The following HEMK2 variants were observed in gnomAD, a reference collection of about 807,000 sequenced individuals.
HEMK2 encodes the protein HemK methyltransferase 2, ETF1 glutamine and histone H4 lysine.
At chr21:28,650,043 T>C in the HEMK2 span, among the ~76,000 whole-genome samples, 1 of 151,962 alleles carries the variant, frequency 6.6e-6, no homozygotes, top group Non-Finnish European at 1.5e-5. Context: ...TCAAGAGAAA[T>C]GTTGAAATGG....
At chr21:28,705,952 C>T in the HEMK2 span, among the ~76,000 whole-genome samples, 3 of 152,192 alleles carry the variant, frequency 2.0e-5, no homozygotes, top group Non-Finnish European at 4.4e-5. Flanking sequence ...TTAAGATTAG[C>T]TTGAGCCCAC....
the HEMK2 span, among the ~76,000 whole-genome samples, chr21:28,613,385 A>T: frequency 6.6e-6 from 1 of 152,040 alleles, no homozygotes. Flanking sequence ...CACTCATTTT[A>T]GCCAGCAGCA....
At chr21:28,881,647 T>G in the HEMK2 span, among the ~76,000 whole-genome samples, 1 of 148,282 alleles carries the variant, frequency 6.7e-6, no homozygotes, top group Non-Finnish European at 1.5e-5. Context: ...TTTTTTTTTT[T>G]TTGAGACAGG....
chr21:28,754,028 G>A, the HEMK2 span, among the ~76,000 whole-genome samples: 1 of 152,334 alleles, frequency 6.6e-6, no homozygotes, highest in East Asian at 1.9e-4. Context: ...AGATCATTCA[G>A]TACGTGTTTG....
At chr21:28,582,746 C>T in the HEMK2 span, among the ~76,000 whole-genome samples, 2 of 152,158 alleles carry the variant, frequency 1.3e-5, no homozygotes, top group Non-Finnish European at 2.9e-5. Context: ...ATCTTATAAA[C>T]AGTAGTAGCC....
At chr21:28,595,222 A>G in the HEMK2 span, among the ~76,000 whole-genome samples, 10 of 152,178 alleles carry the variant, frequency 6.6e-5, no homozygotes, top group Non-Finnish European at 1.3e-4. Context: ...CAACTACATT[A>G]TTATTGACTA....
chr21:28,636,046 C>T, the HEMK2 span, among the ~76,000 whole-genome samples: 1 of 152,122 alleles, frequency 6.6e-6, no homozygotes, highest in Non-Finnish European at 1.5e-5. Flanking sequence ...CTAGTAGAGA[C>T]CCTTATCCAC....
chr21:28,636,206 A>G, the HEMK2 span, among the ~76,000 whole-genome samples: 1 of 152,096 alleles, frequency 6.6e-6, no homozygotes, highest in Non-Finnish European at 1.5e-5. Context: ...CCCACTAATA[A>G]TGGTTCATCC....
At chr21:28,859,282 T>C in the HEMK2 span, among the ~76,000 whole-genome samples, 1 of 152,200 alleles carries the variant, frequency 6.6e-6, no homozygotes, top group Non-Finnish European at 1.5e-5. Flanking sequence ...TGATTGCCTA[T>C]CTTCCATCTG....
At chr21:28,841,898 T>C in the HEMK2 span, among the ~76,000 whole-genome samples, 2 of 152,186 alleles carry the variant, frequency 1.3e-5, no homozygotes, top group African/African-American at 4.8e-5. Flanking sequence ...CTCAACTAAT[T>C]GCTGGAGGAA....
At chr21:28,768,679 T>C in the HEMK2 span, among the ~76,000 whole-genome samples, 1 of 152,018 alleles carries the variant, frequency 6.6e-6, no homozygotes, top group African/African-American at 2.4e-5. Flanking sequence ...GATGAGTTCC[T>C]TTCCCTCCAG....
chr21:28,592,485 C>T, the HEMK2 span, among the ~76,000 whole-genome samples: 4 of 152,140 alleles, frequency 2.6e-5, no homozygotes, highest in Non-Finnish European at 5.9e-5. Flanking sequence ...TATTGAAGGA[C>T]TAAAACAGCA....
chr21:28,764,685 T>C, the HEMK2 span, among the ~76,000 whole-genome samples: 49,394 of 151,930 alleles, frequency 0.33, 8,148 homozygotes, highest in Middle Eastern at 0.44. Context: ...CAGATGCAAG[T>C]TGATAACTCC....
the HEMK2 span, among the ~76,000 whole-genome samples, chr21:28,726,277 C>A: frequency 6.6e-6 from 1 of 151,832 alleles, no homozygotes; most frequent in African/African-American, 2.4e-5. Context: ...ACTTAGTTCA[C>A]AACTGATCAA....
chr21:28,826,426 T>C, the HEMK2 span, among the ~76,000 whole-genome samples: 2 of 152,210 alleles, frequency 1.3e-5, no homozygotes, highest in African/African-American at 4.8e-5. Flanking sequence ...ATCTCTCTGT[T>C]GGGAATATGG....
the HEMK2 span, among the ~76,000 whole-genome samples, chr21:28,623,044 G>A: frequency 6.6e-6 from 1 of 152,060 alleles, no homozygotes; most frequent in Non-Finnish European, 1.5e-5. Context: ...AGAGTGAAGA[G>A]GCAACCTACA....
At chr21:28,839,533 C>T in the HEMK2 span, among the ~76,000 whole-genome samples, 2 of 152,236 alleles carry the variant, frequency 1.3e-5, no homozygotes, top group Admixed American at 6.5e-5. Flanking sequence ...TTTCCAGATA[C>T]AAGATTAATG....
At chr21:28,775,710 A>G in the HEMK2 span, among the ~76,000 whole-genome samples, 2 of 152,332 alleles carry the variant, frequency 1.3e-5, no homozygotes, top group South Asian at 4.1e-4. Flanking sequence ...TAAGGTCCTA[A>G]AAGGTCATTG....
the HEMK2 span, among the ~76,000 whole-genome samples, chr21:28,817,952 T>C: frequency 8.5e-5 from 13 of 152,328 alleles, no homozygotes; most frequent in South Asian, 2.5e-3. Flanking sequence ...CAACCCTCCC[T>C]TGGTGACCAA....
Sources: allele counts gnomAD v4.1 joint callset (sites outside exome capture counted in the v4.1 genomes callset), GRCh38; gene constraint gnomAD v4.1.1; transcripts MANE v1.5; gene names NCBI Gene and HGNC (gene_info 2026-07-23, HGNC 2026-07-21).